Variants in ZMYND8 observed in about 807,000 individuals in gnomAD.
ZMYND8 encodes the protein MYND-type zinc finger-containing chromatin reader ZMYND8.
In ZMYND8, 37 loss-of-function variants were observed where a neutral mutation model predicts 140.8. The ratio of observed to expected loss-of-function variants is 0.26; its 90% CI spans 0.20 to 0.35. The LOEUF (loss-of-function observed/expected upper bound fraction) is 0.35. Ranked by LOEUF, ZMYND8 falls within the 10% of genes least tolerant of loss-of-function variation. ZMYND8 has a pLI of 1.00. For missense variants in ZMYND8, 1,068 were observed against 1,570.0 expected (o/e 0.68, Z 5.40); for synonymous variants, 592 against 597.1 (o/e 0.99, Z 0.12).
intron 2 of ZMYND8, among the ~76,000 whole-genome samples, chr20:47,345,029 G>C (rs1371464852): frequency 2.0e-5 from 3 of 152,164 alleles, no homozygotes; most frequent in Non-Finnish European, 4.4e-5. Context: ...GAGGTGGGAA[G>C]ATAGCTTGAG....
At chr20:47,235,120 A>G (rs746955077) in intron 16 of ZMYND8, among the ~76,000 whole-genome samples, 4 of 152,256 alleles carry the variant, frequency 2.6e-5, no homozygotes, top group Non-Finnish European at 5.9e-5. Context: ...TTACTAACTA[A>G]TCTCAGTAGA....
At chr20:47,236,257 C>T (rs1359436150) in intron 16 of ZMYND8, 69 bp downstream of exon 16, 50 of 1,598,302 alleles carry the variant, frequency 3.1e-5, no homozygotes, top group South Asian at 1.6e-4. Context: ...CGCTTCCCCT[C>T]GGGAGACCAA....
At chr20:47,238,253 T>C (rs777071813) in intron 15 of ZMYND8, 15 of 172,938 alleles carry the variant, frequency 8.7e-5, no homozygotes, top group Non-Finnish European at 1.7e-4. Context: ...CAAAACATGC[T>C]GATGGGTGGG....
intron 12 of ZMYND8, among the ~76,000 whole-genome samples, chr20:47,252,640 G>A (rs1307338283): frequency 2.6e-5 from 4 of 152,194 alleles, no homozygotes; most frequent in Non-Finnish European, 5.9e-5. Flanking sequence ...GCCTGGAGAG[G>A]ACCGGGAACA....
intron 1 of ZMYND8, chr20:47,352,544 G>T (rs956007307): frequency 1.0e-6 from 1 of 985,308 alleles, no homozygotes; most frequent in Admixed American, 6.1e-5. Flanking sequence ...TGCAAAACCC[G>T]CTTTCAGAGG....
intron 2 of ZMYND8, among the ~76,000 whole-genome samples, chr20:47,342,345 G>T (rs2081963342): frequency 6.6e-6 from 1 of 150,856 alleles, no homozygotes; most frequent in Admixed American, 6.6e-5. Context: ...AAGAGTTCGA[G>T]ACTAGCCTGG....
intron 2 of ZMYND8, among the ~76,000 whole-genome samples, chr20:47,327,955 C>CAG (rs1325319809): frequency 3.9e-5 from 6 of 152,144 alleles, no homozygotes; most frequent in African/African-American, 1.4e-4. Flanking sequence ...GCTGAGGCTA[C>CAG]AGGTGCATGC....
chr20:47,258,853 CCTCTTCCCGTTA>C (rs1306399368), intron 12 of ZMYND8, among the ~76,000 whole-genome samples: 1 of 152,148 alleles, frequency 6.6e-6, no homozygotes, highest in African/African-American at 2.4e-5. Context: ...CCTAGCTGAT[CCTCTTCCCGTTA>C]GGTCATTGCA....
intron 12 of ZMYND8, among the ~76,000 whole-genome samples, 161 bp from the exon 13 acceptor site, chr20:47,249,600 A>G (rs1444961745): frequency 6.6e-6 from 1 of 152,198 alleles, no homozygotes; most frequent in Non-Finnish European, 1.5e-5. Context: ...GCTCAACCAA[A>G]TGGGGTGACA....
intron 12 of ZMYND8, among the ~76,000 whole-genome samples, chr20:47,259,860 C>A (rs1418785251): frequency 6.6e-6 from 1 of 152,186 alleles, no homozygotes; most frequent in Non-Finnish European, 1.5e-5. Context: ...CCCTCAAAGT[C>A]ATTTCAAGAA....
intron 2 of ZMYND8, among the ~76,000 whole-genome samples, chr20:47,344,789 C>G (rs1396437886): frequency 2.0e-5 from 3 of 152,164 alleles, no homozygotes; most frequent in Non-Finnish European, 4.4e-5. Context: ...TCTAATACTA[C>G]TGTTAAATTA....
At chr20:47,231,698 C>A (rs2038509645) in intron 16 of ZMYND8, among the ~76,000 whole-genome samples, 1 of 152,254 alleles carries the variant, frequency 6.6e-6, no homozygotes. Flanking sequence ...CCGTTGCCAG[C>A]AAAAACACTC....
intron 12 of ZMYND8, among the ~76,000 whole-genome samples, chr20:47,253,310 G>A (rs570034932): frequency 6.6e-6 from 1 of 152,294 alleles, no homozygotes; most frequent in Admixed American, 6.5e-5. Context: ...GCCAAAGCAG[G>A]TGGAGCACCT....
chr20:47,221,390 T>A lies in ZMYND8; in HGVS notation c.3341A>T (p.Gln1114Leu), dbSNP rs1366052685. 1 of 1,614,200 alleles carries A rather than the reference T, an allele frequency of 6.2e-7. No homozygotes were observed. Among genetic ancestry groups the A allele is most frequent in the East Asian group, 2.2e-5 (1 of 44,878 alleles). ...KSSQGSSSST[Q>L]SAPSETASAS... ...GCTGGCCGTTTCTGAAGGTGCTGATTGTGTGCTCGAGGAGCTCCCCTGGGA... is the reference window on the plus strand; with the variant it reads ...GCTGGCCGTTTCTGAAGGTGCTGATAGTGTGCTCGAGGAGCTCCCCTGGGA... Residue 1114 changes from glutamine to leucine, a missense_variant, in exon 20 of 23, where the codon CAA becomes CTA. Physicochemically the swap from Gln to Leu is moderately radical, Grantham distance 113. This residue lies in a region of ZMYND8 where 180 missense variants were observed against 187.8 expected (regional missense o/e 0.96). Coordinates refer to ENST00000471951, the MANE Select transcript of ZMYND8 (RefSeq NM_001281775.3).
At chr20:47,227,091 A>T in intron 18 of ZMYND8, 112 bp downstream of exon 18, 3 of 1,165,228 alleles carry the variant, frequency 2.6e-6, no homozygotes, top group Non-Finnish European at 3.8e-6. Context: ...CCTACGAGTC[A>T]TACAATCCTA....
At chr20:47,270,367 C>T (rs1373691495) in intron 11 of ZMYND8, among the ~76,000 whole-genome samples, 1 of 107,326 alleles carries the variant, frequency 9.3e-6, no homozygotes, top group Non-Finnish European at 1.8e-5. Flanking sequence ...GAGTGAAACT[C>T]CATCTCAAAA....
intron 22 of ZMYND8, among the ~76,000 whole-genome samples, chr20:47,211,439 A>G (rs2035239729): frequency 6.6e-6 from 1 of 150,834 alleles, no homozygotes; most frequent in South Asian, 2.2e-4. Context: ...CTGGGAACAC[A>G]CACCCACTGA....
intron 2 of ZMYND8, among the ~76,000 whole-genome samples, chr20:47,316,124 A>G (rs1332288051): frequency 6.6e-6 from 1 of 152,006 alleles, no homozygotes; most frequent in African/African-American, 2.4e-5. Flanking sequence ...CAAGGTCAGG[A>G]GTTCGAGACC....
At chr20:47,216,788 C>T (rs2036192854) in intron 21 of ZMYND8, among the ~76,000 whole-genome samples, 1 of 152,124 alleles carries the variant, frequency 6.6e-6, no homozygotes, top group Non-Finnish European at 1.5e-5. Context: ...GCCTGGGCGA[C>T]AGAGCAAAGA....
Sources: allele counts gnomAD v4.1 joint callset (sites outside exome capture counted in the v4.1 genomes callset), GRCh38; gene constraint gnomAD v4.1.1; regional missense constraint gnomAD v4.1.1; transcripts MANE v1.5; gene names NCBI Gene and HGNC (gene_info 2026-07-23, HGNC 2026-07-21).